The following KLHL32 variants were observed in gnomAD, a reference collection of about 807,000 sequenced individuals.
KLHL32 encodes kelch like family member 32.
KLHL32 carries 35 observed loss-of-function variants against 64.8 expected under a neutral mutation model. The observed-to-expected ratio is 0.54, with a 90% CI of 0.41 to 0.72. The LOEUF (loss-of-function observed/expected upper bound fraction) is 0.72, where lower values mean the gene tolerates loss of function less well. Ranked by LOEUF, KLHL32 falls within the 30% of genes least tolerant of loss-of-function variation. The probability of loss-of-function intolerance (pLI) is 0.00; values close to 1 mark genes in which losing one functional copy is unlikely to be tolerated. For missense variants in KLHL32, 589 were observed against 768.5 expected (o/e 0.77, Z 2.76); for synonymous variants, 259 against 281.0 (o/e 0.92, Z 0.78).
upstream of KLHL32, among the ~76,000 whole-genome samples, chr6:96,923,732 T>C (rs1469776922): frequency 1.3e-5 from 2 of 152,262 alleles, no homozygotes; most frequent in Non-Finnish European, 2.9e-5. Flanking sequence ...TAACATACTA[T>C]CTTTGCAGTA....
chr6:97,047,939 A>G (rs1298644103), intron 4 of KLHL32, among the ~76,000 whole-genome samples: 1 of 152,186 alleles, frequency 6.6e-6, no homozygotes, highest in African/African-American at 2.4e-5. Flanking sequence ...ATGGAAGCAA[A>G]TAGGACTGCG....
intron 3 of KLHL32, among the ~76,000 whole-genome samples, chr6:97,006,604 A>C (rs1214484211): frequency 6.6e-6 from 1 of 151,938 alleles, no homozygotes; most frequent in African/African-American, 2.4e-5. Context: ...CTATATACTT[A>C]AATGTGTTTT....
chr6:97,108,093 A>G lies in KLHL32; in HGVS notation c.628-5690A>G, dbSNP rs1295504520. On this transcript the variant is annotated intron_variant, in intron 6 of 10. Coordinates refer to ENST00000369261, the MANE Select transcript of KLHL32 (RefSeq NM_052904.4). ...CTGCTGTGTTGCAGGTGGTTTAGGA[A>G]ATGTCTTACCTAATGGCCATGTTTC... is the stretch of plus-strand genomic sequence containing the variant. Among the ~76,000 whole-genome samples the G allele has an allele frequency of 2.0e-5, 3 of 152,094 alleles. No homozygotes were observed. The East Asian group carries it at 5.8e-4, about 29-fold the overall frequency.
At chr6:97,137,049 T>A (rs1261452099) in intron 10 of KLHL32, among the ~76,000 whole-genome samples, 1 of 152,210 alleles carries the variant, frequency 6.6e-6, no homozygotes, top group Non-Finnish European at 1.5e-5. Context: ...TTGAAGACAA[T>A]ACTTAACCTT....
chr6:96,987,318 ATC>A (rs1394456913), intron 3 of KLHL32, among the ~76,000 whole-genome samples: 1 of 151,700 alleles, frequency 6.6e-6, no homozygotes, highest in African/African-American at 2.4e-5. Flanking sequence ...TCAATTTTAG[ATC>A]TCTCCTGCTT....
At chr6:96,905,053 C>T in the KLHL32 span, among the ~76,000 whole-genome samples, 4 of 152,178 alleles carry the variant, frequency 2.6e-5, no homozygotes, top group African/African-American at 9.7e-5. Flanking sequence ...GTAAGGAACA[C>T]CTCATCATAG....
intron 6 of KLHL32, among the ~76,000 whole-genome samples, chr6:97,112,338 TATACTTC>T (rs1216140687): frequency 6.6e-6 from 1 of 152,260 alleles, no homozygotes; most frequent in East Asian, 1.9e-4. Context: ...AGATGTTAGA[TATACTTC>T]ATTATGCTGG....
rs1773070459 is a variant in KLHL32, at chr6:96,954,857, C to T, written c.-65-12139C>T. Among the ~76,000 whole-genome samples, 5 of 152,296 alleles carry T rather than the reference C, an allele frequency of 3.3e-5. No individual in the cohort carries two copies. The South Asian group carries it at 1.0e-3, about 32-fold the overall frequency. ...AATAGATTTTTTTCTCCTAGTTTCT[C>T]TATTGTCAACTGTCTTAGCCAGCTT... On this transcript the variant is annotated intron_variant, in intron 1 of 10. Coordinates refer to ENST00000369261, the MANE Select transcript of KLHL32 (RefSeq NM_052904.4).
intron 1 of KLHL32, among the ~76,000 whole-genome samples, chr6:96,963,734 T>C (rs1294843157): frequency 6.6e-6 from 1 of 152,250 alleles, no homozygotes; most frequent in African/African-American, 2.4e-5. Flanking sequence ...ATTCCTTGTC[T>C]TTAAATGTTC....
chr6:96,947,026 AGCATTT>A (rs1190315846), intron 1 of KLHL32, among the ~76,000 whole-genome samples: 3 of 152,214 alleles, frequency 2.0e-5, no homozygotes, highest in African/African-American at 7.2e-5. Context: ...CTTGATTTAA[AGCATTT>A]GTAAATGTTA....
At chr6:96,932,622 G>A (rs13195164) in intron 1 of KLHL32, among the ~76,000 whole-genome samples, 18,633 of 139,292 alleles carry the variant, frequency 0.13, 1,441 homozygotes, top group East Asian at 0.27. Flanking sequence ...AGGCTGGAGT[G>A]CAGTGGTATA....
At chr6:96,962,551 G>A (rs560052009) in intron 1 of KLHL32, among the ~76,000 whole-genome samples, 1 of 152,256 alleles carries the variant, frequency 6.6e-6, no homozygotes, top group South Asian at 2.1e-4. Context: ...AAAAACACTA[G>A]TATTTGGCAT....
chr6:97,118,669 G>GCA (rs1233475876), intron 7 of KLHL32, among the ~76,000 whole-genome samples: 1 of 148,338 alleles, frequency 6.7e-6, no homozygotes, highest in Non-Finnish European at 1.5e-5. Flanking sequence ...CTAACAGCAG[G>GCA]CATAGCAGAG....
the KLHL32 span, among the ~76,000 whole-genome samples, chr6:96,907,204 G>A: frequency 2.0e-5 from 3 of 152,198 alleles, no homozygotes; most frequent in African/African-American, 4.8e-5. Flanking sequence ...ACATTTAAAT[G>A]TGTAGGGTTT....
At chr6:96,912,909 G>A in the KLHL32 span, among the ~76,000 whole-genome samples, 3 of 152,174 alleles carry the variant, frequency 2.0e-5, no homozygotes, top group African/African-American at 7.2e-5. Flanking sequence ...AAGGTACCCT[G>A]TAAGCCCTGT....
intron 3 of KLHL32, among the ~76,000 whole-genome samples, chr6:97,001,404 T>C (rs1431021774): frequency 6.6e-6 from 1 of 152,198 alleles, no homozygotes; most frequent in Non-Finnish European, 1.5e-5. Context: ...TGTCTCATAA[T>C]TGTTTTATTG....
chr6:96,969,655 A>G (rs1171174425), intron 2 of KLHL32, among the ~76,000 whole-genome samples: 3 of 152,178 alleles, frequency 2.0e-5, no homozygotes, highest in Non-Finnish European at 4.4e-5. Flanking sequence ...TCAAGAGGCA[A>G]TCCTTTCCCA....
At chr6:97,049,539 A>G (rs74562910) in intron 4 of KLHL32, among the ~76,000 whole-genome samples, 2,030 of 142,778 alleles carry the variant, frequency 0.014, 24 homozygotes, top group Non-Finnish European at 0.022. Flanking sequence ...ACTGCAGTTT[A>G]CCATGGGTAA....
chr6:97,134,329 G>GT (rs1799762259), intron 10 of KLHL32, among the ~76,000 whole-genome samples: 1 of 152,236 alleles, frequency 6.6e-6, no homozygotes, highest in Admixed American at 6.5e-5. Flanking sequence ...AGGCTGCCTT[G>GT]TACTGGTTTT....
Sources: allele counts gnomAD v4.1 joint callset (sites outside exome capture counted in the v4.1 genomes callset), GRCh38; gene constraint gnomAD v4.1.1; transcripts MANE v1.5; gene names NCBI Gene and HGNC (gene_info 2026-07-23, HGNC 2026-07-21).